Variants in IGFLR1 observed in about 807,000 individuals in gnomAD.
IGFLR1 encodes IGF-like family receptor 1.
Under a neutral mutation model 23.4 loss-of-function variants are expected in IGFLR1, and 17 were observed. That is an observed-to-expected ratio of 0.73 (90% confidence interval 0.50 to 1.09). The LOEUF is 1.09. Among genes scored for constraint, IGFLR1 ranks in the 50% least tolerant of loss-of-function variants. The probability of loss-of-function intolerance (pLI) is 0.00; values close to 1 mark genes in which losing one functional copy is unlikely to be tolerated. For synonymous variants in IGFLR1, 265 were observed against 210.7 expected (o/e 1.26, Z -2.23); for missense variants, 556 against 459.2 (o/e 1.21, Z -1.93).
rs199514116 is a variant in IGFLR1, at chr19:35,739,548, A to T, written c.800T>A (p.Leu267Gln). ...LEVLEELIVL[L>Q]DPEPGPGGGM... The stretch of plus-strand genomic sequence containing the variant: ...CCCACCTGGCCCAGGCTCAGGGTCC[A>T]GCAGTACAATCAGCTCTTCCAGCAC... Residue 267 changes from leucine (L) to glutamine (Q), a missense_variant, in exon 5 of 5, where the codon CTG becomes CAG. Transcript: ENST00000246532. The T allele has an allele frequency of 4.4e-5, 71 of 1,614,098 alleles. No homozygotes were observed. The highest frequency in any genetic ancestry group is 4.0e-4 in the South Asian group (36 of 91,086).
Position 35,741,007 on chromosome 19 carries a change from C to G in IGFLR1, c.157+17G>C, listed in dbSNP as rs765984425. On this transcript the variant is annotated intron_variant, in intron 2 of 4. Transcript: ENST00000246532. ...CTGCAAGCTCCGCCCAAGCAAGGCT[C>G]GGTCTCGGATTCTCACCCGGGCAGG... 7 of 1,610,160 alleles carry G rather than the reference C, an allele frequency of 4.3e-6. No homozygotes were observed. The highest frequency in any genetic ancestry group is 1.7e-6 in the Non-Finnish European group (2 of 1,178,816).
Position 35,741,039 on chromosome 19 carries a change from G to A in IGFLR1, c.142C>T (p.Pro48Ser), listed in dbSNP as rs370465389. 10 of 1,610,162 alleles carry A rather than the reference G, an allele frequency of 6.2e-6. No homozygotes were observed. The highest frequency in any genetic ancestry group is 7.6e-6 in the Non-Finnish European group (9 of 1,178,218). The change falls in exon 2 of 5, where the codon CCG becomes TCG. Residue 48 changes from proline to serine, a missense_variant. Transcript: ENST00000246532. ...CCSSCLQRFG[P>S]PPCPDYEFRE... ...GGATTCTCACCCGGGCAGGGGGGCG[G>A]CCCGAAGCGTTGCAGGCAGCTGCTG... is the stretch of plus-strand genomic sequence containing the variant.
chr19:35,740,018 C>T lies in IGFLR1; in HGVS notation c.413G>A (p.Arg138His), dbSNP rs1177564581. Reference sequence around the variant, plus strand: ...GGCAATGGAACTTGCTGGTGAGCTGCGCTCCTGGGAGCTAGGGGCGCCTGG... The same window carrying T: ...GGCAATGGAACTTGCTGGTGAGCTGTGCTCCTGGGAGCTAGGGGCGCCTGG... The part of the protein sequence containing the change: ...GNPGAPSSQE[R>H]SSPASSIAWR... Residue 138 changes from arginine (R) to histidine (H), a missense_variant, in exon 4 of 5, where the codon CGC becomes CAC. Coordinates refer to ENST00000246532, the MANE Select transcript of IGFLR1 (RefSeq NM_024660.4). The T allele has an allele frequency of 1.9e-6, 3 of 1,613,966 alleles. No homozygotes were observed. Among genetic ancestry groups the T allele is most frequent in the African/African-American group, 1.3e-5 (1 of 74,990 alleles).
intron 3 of IGFLR1, 136 bp from the exon 4 acceptor site, chr19:35,740,224 A>T (rs2146491192): frequency 7.7e-7 from 1 of 1,305,924 alleles, no homozygotes; most frequent in Non-Finnish European, 1.0e-6. Context: ...GGGCCCCGCA[A>T]GGCCCAACTA....
At chr19:35,740,692 C>G (rs1039456125) in intron 2 of IGFLR1, 128 bp from the exon 3 acceptor site, 5 of 895,650 alleles carry the variant, frequency 5.6e-6, no homozygotes, top group Non-Finnish European at 6.6e-6. Context: ...GCGTGCGCCC[C>G]GGTCTTGTCA....
intron 1 of IGFLR1, among the ~76,000 whole-genome samples, chr19:35,742,154 C>G (rs1430191117): frequency 1.3e-5 from 2 of 152,182 alleles, no homozygotes; most frequent in Non-Finnish European, 2.9e-5. Flanking sequence ...ACCTCACATA[C>G]AGTAAACTCA....
Position 35,739,299 on chromosome 19 carries a change from G to A in IGFLR1, c.1049C>T (p.Ser350Phe). The change falls in exon 5 of 5, where the codon TCT becomes TTT. Residue 350 changes from serine (S) to phenylalanine (F), a missense_variant. Physicochemically the swap from Ser to Phe is radical, Grantham distance 155. Coordinates refer to ENST00000246532, the MANE Select transcript of IGFLR1 (RefSeq NM_024660.4). Reference sequence around the variant, plus strand: ...TGGGTGTTAAGCCCAGCAAACCCCAGATGAGCCAAGCTTGGACAGCACCCG... The same window carrying A: ...TGGGTGTTAAGCCCAGCAAACCCCAAATGAGCCAAGCTTGGACAGCACCCG... Reference protein sequence around the residue: ...ALRVLSKLGSSGVCWA With the variant: ...ALRVLSKLGSFGVCWA 1 of 1,596,732 alleles carries A rather than the reference G, an allele frequency of 6.3e-7. No individual in the cohort carries two copies. Among genetic ancestry groups the A allele is most frequent in the Non-Finnish European group, 8.6e-7 (1 of 1,168,848 alleles).
At chr19:35,740,845 T>C in intron 2 of IGFLR1, 179 bp downstream of exon 2, 1 of 674,080 alleles carries the variant, frequency 1.5e-6, no homozygotes, top group Non-Finnish European at 2.5e-6. Context: ...GCTGTTGCCC[T>C]ACGGTAGCCC....
intron 1 of IGFLR1, chr19:35,741,681 A>AC: frequency 6.4e-6 from 1 of 156,754 alleles, no homozygotes; most frequent in Admixed American, 6.2e-5. Flanking sequence ...AAAAAAAAAA[A>AC]CAGCAAAGCA....
rs1217789257 is a variant in IGFLR1 at position 35,739,619 on chromosome 19, G to A, written c.729C>T (p.Ser243=). 1 of 1,610,452 alleles carries A rather than the reference G, an allele frequency of 6.2e-7. No homozygotes were observed. Among genetic ancestry groups the A allele is most frequent in the Non-Finnish European group, 8.5e-7 (1 of 1,177,262 alleles). Residue 243 remains serine, a synonymous_variant, in exon 5 of 5, where the codon TCC becomes TCT. Transcript: ENST00000246532. ...GAGACAGGGGTTGTGACGCCAGACT[G>A]GACAGTTCTGGAAGAAAGGGGAAGG... ...SLLPLLSREL[S]SLASQPLSRL...
chr19:35,742,005 G>C (rs909890849), intron 1 of IGFLR1, among the ~76,000 whole-genome samples: 1 of 152,128 alleles, frequency 6.6e-6, no homozygotes, highest in Non-Finnish European at 1.5e-5. Flanking sequence ...CCAGCTACTT[G>C]GGAGGCTGAG....
In IGFLR1 at chr19:35,739,557, A is replaced by T; in HGVS notation, c.791T>A (p.Ile264Asn). 6.2e-7 allele frequency: 1 copy of T among 1,614,122 alleles called. No homozygotes were observed. Among genetic ancestry groups the T allele is most frequent in the Non-Finnish European group, 8.5e-7 (1 of 1,180,008 alleles). Residue 264 changes from isoleucine to asparagine, a missense_variant, in exon 5 of 5, where the codon ATT (isoleucine) becomes AAT (asparagine). By Grantham distance (149) the Ile-to-Asn change is moderately radical (BLOSUM62 -3). Coordinates refer to ENST00000246532, the MANE Select transcript of IGFLR1 (RefSeq NM_024660.4). ...LDELEVLEEL[I>N]VLLDPEPGPG... ...CCCAGGCTCAGGGTCCAGCAGTACA[A>T]TCAGCTCTTCCAGCACCTCCAGCTC...
At chr19:35,740,676 C>T (rs1970168113) in intron 2 of IGFLR1, 112 bp from the exon 3 acceptor site, 1 of 1,036,820 alleles carries the variant, frequency 9.6e-7, no homozygotes, top group Non-Finnish European at 1.4e-6. Flanking sequence ...CGCTTCCAGC[C>T]TATTAGCGTG....
rs1970104197 is a variant in IGFLR1, at chr19:35,739,897, G to T, written c.534C>A (p.Ile178=). 3.7e-6 allele frequency: 6 copies of T among 1,614,014 alleles called. No individual in the cohort carries two copies. Among genetic ancestry groups the T allele is most frequent in the African/African-American group, 1.3e-5 (1 of 74,904 alleles). The change falls in exon 4 of 5, where the codon ATC becomes ATA. Residue 178 remains isoleucine (I), a synonymous_variant. Coordinates refer to ENST00000246532, the MANE Select transcript of IGFLR1 (RefSeq NM_024660.4). ...GATGCCAGAGCAGAATAAACAGGAGGATCGCTATCACCGCCAAGGTCAGGA... is the reference window on the plus strand; with the variant it reads ...GATGCCAGAGCAGAATAAACAGGAGTATCGCTATCACCGCCAAGGTCAGGA... ...VLLLTLAVIA[I]LLFILLWHLC...
In IGFLR1 at chr19:35,740,523, C is replaced by G; in HGVS notation, c.199G>C (p.Asp67His). Reference sequence around the variant, plus strand: ...TTTCGGAACGGGGGCGTTACGAAATCGCCGTGGTCATTGAGTCCGCAGTTT... The same window carrying G: ...TTTCGGAACGGGGGCGTTACGAAATGGCCGTGGTCATTGAGTCCGCAGTTT... The part of the protein sequence containing the change: ...RENCGLNDHG[D>H]FVTPPFRKCS... Residue 67 changes from aspartate (D) to histidine (H), a missense_variant, in exon 3 of 5, where the codon GAT (aspartate) becomes CAT (histidine). By Grantham distance (81) the Asp-to-His change is moderately conservative. Transcript: ENST00000246532. 1 of 1,612,122 alleles carries G rather than the reference C, an allele frequency of 6.2e-7. No homozygotes were observed. The highest frequency in any genetic ancestry group is 8.5e-7 in the Non-Finnish European group (1 of 1,179,418).
At position 35,740,446 on chromosome 19, in the gene IGFLR1, G is replaced by T. The variant is rs1970147233; in HGVS notation, c.276C>A (p.Cys92Ter). ...NPDGAELCSP[C>*]GGGAVTPTPA... Reference sequence around the variant, plus strand: ...GAGTAGGGGTCACGGCTCCGCCGCCGCAGGGGCTACATAGCTCCGCGCCGT... The same window carrying T: ...GAGTAGGGGTCACGGCTCCGCCGCCTCAGGGGCTACATAGCTCCGCGCCGT... The change falls in exon 3 of 5, where the codon TGC becomes TGA. Residue 92 changes from cysteine to a stop codon, truncating the protein, a stop_gained. Coordinates refer to ENST00000246532, the MANE Select transcript of IGFLR1 (RefSeq NM_024660.4). LOFTEE classifies it high-confidence loss of function. 1.9e-6 allele frequency: 3 copies of T among 1,611,740 alleles called. No individual in the cohort carries two copies. Among genetic ancestry groups the T allele is most frequent in the Non-Finnish European group, 2.5e-6 (3 of 1,179,252 alleles).
rs767898738 is a variant in IGFLR1, at chr19:35,739,705, C to T, written c.721+5G>A. 3 of 1,555,910 alleles carry T rather than the reference C, an allele frequency of 1.9e-6. No individual in the cohort carries two copies. The highest frequency in any genetic ancestry group is 2.6e-6 in the Non-Finnish European group (3 of 1,148,156). ...TCCCTGCCCCGGGGCTCCTCCAGGA[C>T]TAACCCCTGCTCAGGAGTGGAAGTA... On this transcript the variant is annotated splice_donor_5th_base_variant and intron_variant, in intron 4 of 4. Transcript: ENST00000246532.
chr19:35,739,337 C>A lies in IGFLR1; in HGVS notation c.1011G>T (p.Arg337=). The change falls in exon 5 of 5, where the codon CGG becomes CGT. Residue 337 remains arginine, a synonymous_variant. Coordinates refer to ENST00000246532, the MANE Select transcript of IGFLR1 (RefSeq NM_024660.4). ...QLGTHLAQLG[R]ADALRVLSKL... The stretch of plus-strand genomic sequence containing the variant: ...TGGACAGCACCCGCAATGCATCTGC[C>A]CGCCCTAGCTGGGCGAGGTGTGTGC... 6.2e-7 allele frequency: 1 copy of A among 1,610,134 alleles called. No homozygotes were observed. Among genetic ancestry groups the A allele is most frequent in the South Asian group, 1.1e-5 (1 of 90,568 alleles).
chr19:35,740,700 T>A lies in IGFLR1; in HGVS notation c.158-136A>T, dbSNP rs184932475. The A allele has an allele frequency of 1.0e-4, 87 of 843,542 alleles. No homozygotes were observed. In the Admixed American group the frequency reaches 2.6e-3, roughly 25 times the overall value. 52.3% of individuals were successfully genotyped at this position (843,542 alleles called of 1,614,324 possible). ...CCTATTAGCGTGCGCCCCGGTCTTG[T>A]CACTTTTCTCCGGGCTCGCCTTTTC... On this transcript the variant is annotated intron_variant, in intron 2 of 4. Transcript: ENST00000246532.
Sources: allele counts gnomAD v4.1 joint callset (sites outside exome capture counted in the v4.1 genomes callset), GRCh38; gene constraint gnomAD v4.1.1; transcripts MANE v1.5; gene names NCBI Gene and HGNC (gene_info 2026-07-23, HGNC 2026-07-21).